Variants in DCUN1D4 observed in about 807,000 individuals in gnomAD.
The protein encoded by DCUN1D4 is DCN1-like protein 4.
DCUN1D4 carries 22 observed loss-of-function variants against 47.9 expected under a neutral mutation model. The ratio of observed to expected loss-of-function variants is 0.46; its 90% CI spans 0.33 to 0.66. The LOEUF is 0.66. Ranked by LOEUF, DCUN1D4 falls within the 30% of genes least tolerant of loss-of-function variation. The probability of loss-of-function intolerance (pLI) is 0.02; values close to 1 mark genes in which losing one functional copy is unlikely to be tolerated. For missense variants in DCUN1D4, 301 were observed against 340.8 expected (o/e 0.88, Z 0.92); for synonymous variants, 121 against 112.2 (o/e 1.08, Z -0.50).
At position 51,888,389 on chromosome 4, in the gene DCUN1D4, C is replaced by T. The variant is rs143272551; in HGVS notation, c.414+1751C>T. On this transcript the variant is annotated intron_variant, in intron 6 of 10. Transcript: ENST00000334635. ...TTCAAGTTTCCTCACCCCCAAATAC[C>T]AGTACTCAATAAAAGATAGTTATTG... Among the ~76,000 whole-genome samples, 5 of 152,242 alleles carry T rather than the reference C, an allele frequency of 3.3e-5. No homozygotes were observed. The East Asian group carries it at 9.7e-4, about 29-fold the overall frequency.
At chr4:51,870,599 G>T (rs1296789141) in intron 3 of DCUN1D4, among the ~76,000 whole-genome samples, 2 of 151,958 alleles carry the variant, frequency 1.3e-5, no homozygotes, top group Non-Finnish European at 2.9e-5. Flanking sequence ...CTCAGTAATG[G>T]ATGTATCTTA....
intron 5 of DCUN1D4, among the ~76,000 whole-genome samples, chr4:51,885,662 T>G (rs1242984705): frequency 6.6e-6 from 1 of 152,114 alleles, no homozygotes; most frequent in African/African-American, 2.4e-5. Context: ...CCCGAGACCT[T>G]GAGTATGGTT....
chr4:51,892,344 A>G (rs1730559106), intron 7 of DCUN1D4, among the ~76,000 whole-genome samples: 2 of 152,162 alleles, frequency 1.3e-5, no homozygotes, highest in South Asian at 4.1e-4. Context: ...TTTGTGATCC[A>G]TCTCCATTTG....
intron 1 of DCUN1D4, chr4:51,843,518 C>T (rs1344166956): frequency 3.9e-6 from 5 of 1,280,586 alleles, no homozygotes; most frequent in East Asian, 3.2e-5. Flanking sequence ...GACTGGCTCT[C>T]TTTCAGTGTT....
In DCUN1D4 at chr4:51,854,432, T is replaced by G. The variant is rs1723822919; in HGVS notation, c.26-9005T>G. ...GAGTGCATATTAGATCTTCACTGAC[T>G]TGTGATCTGACCTGCCTCTTCACAT... On this transcript the variant is annotated intron_variant, in intron 1 of 10. Coordinates refer to ENST00000334635, the MANE Select transcript of DCUN1D4 (RefSeq NM_001040402.3). Among the ~76,000 whole-genome samples, 3 of 152,216 alleles carry G rather than the reference T, an allele frequency of 2.0e-5. No individual in the cohort carries two copies. In the South Asian group the frequency reaches 6.2e-4, roughly 32 times the overall value.
In DCUN1D4 at chr4:51,863,770, A is replaced by G. The variant is rs1004776826; in HGVS notation, c.136+61A>G. ...AGCTTCTTAATATTAGGAAAGAGAA[A>G]TACTAGCTATGAATGCGCTATGTTG... On this transcript the variant is annotated intron_variant, in intron 3 of 10. Coordinates refer to ENST00000334635, the MANE Select transcript of DCUN1D4 (RefSeq NM_001040402.3). 6.0e-6 allele frequency: 9 copies of G among 1,502,998 alleles called. No individual in the cohort carries two copies. The East Asian group carries it at 1.4e-4, about 23-fold the overall frequency. 93.1% of individuals were successfully genotyped at this position (1,502,998 alleles called of 1,614,324 possible).
At chr4:51,896,229 G>GCATCTTTCAAACATAGGGA (rs1187463601) in intron 7 of DCUN1D4, among the ~76,000 whole-genome samples, 1 of 152,210 alleles carries the variant, frequency 6.6e-6, no homozygotes. Context: ...GGATCTCTGA[G>GCATCTTTCAAACATAGGGA]CATCTTTCAA....
At chr4:51,906,231 C>T (rs1217664563) in intron 8 of DCUN1D4, among the ~76,000 whole-genome samples, 1 of 152,100 alleles carries the variant, frequency 6.6e-6, no homozygotes, top group Admixed American at 6.5e-5. Flanking sequence ...CTGCTCTTCT[C>T]CAGTGTTTCT....
chr4:51,915,389 T>C lies in DCUN1D4; in HGVS notation c.*1805T>C, dbSNP rs1734233968. 6.6e-6 allele frequency: 1 copy of C among 152,582 alleles called. No individual in the cohort carries two copies. The highest frequency in any genetic ancestry group is 2.4e-5 in the African/African-American group (1 of 41,434). 9.5% of individuals were successfully genotyped at this position (152,582 alleles called of 1,614,324 possible). A position where few individuals can be genotyped will look rare whatever the true frequency, so the allele number is the denominator to read the frequency against. On this transcript the variant is annotated 3_prime_UTR_variant, in exon 11 of 11. Coordinates refer to ENST00000334635, the MANE Select transcript of DCUN1D4 (RefSeq NM_001040402.3). ...TACTTAACCACTCCTTATTTGTAGATTCACTTTCAACCTTAAAAATTAATA... is the reference window on the plus strand; with the variant it reads ...TACTTAACCACTCCTTATTTGTAGACTCACTTTCAACCTTAAAAATTAATA...
At chr4:51,898,323 TAGTC>T (rs201746494) in intron 7 of DCUN1D4, among the ~76,000 whole-genome samples, 86 of 152,152 alleles carry the variant, frequency 5.7e-4, no homozygotes, top group Non-Finnish European at 1.2e-3. Context: ...CACTCAGTCA[TAGTC>T]AGGGGAGTGT....
At chr4:51,837,471 C>T in the DCUN1D4 span, among the ~76,000 whole-genome samples, 7 of 151,710 alleles carry the variant, frequency 4.6e-5, no homozygotes, top group East Asian at 1.2e-3. Flanking sequence ...ATCGAGACCA[C>T]GGTGAAACCC....
intron 8 of DCUN1D4, among the ~76,000 whole-genome samples, chr4:51,903,615 A>G (rs1268878240): frequency 2.0e-5 from 3 of 152,122 alleles, no homozygotes; most frequent in Non-Finnish European, 2.9e-5. Context: ...CTGCGACTAC[A>G]GTTACAACTA....
chr4:51,869,246 G>A lies in DCUN1D4; in HGVS notation c.137-5025G>A, dbSNP rs188259659. The stretch of plus-strand genomic sequence containing the variant: ...TTTAGAGAGAGGAAAAAATTCTTTT[G>A]TCCTTAGCAGTTCAATGATCTGTTC... On this transcript the variant is annotated intron_variant, in intron 3 of 10. Coordinates refer to ENST00000334635, the MANE Select transcript of DCUN1D4 (RefSeq NM_001040402.3). Among the ~76,000 whole-genome samples the A allele has an allele frequency of 3.0e-3, 445 of 150,676 alleles. 14 individuals carry two copies. The highest frequency in any genetic ancestry group is 0.027 in the Admixed American group (402 of 15,146).
intron 5 of DCUN1D4, among the ~76,000 whole-genome samples, chr4:51,879,948 A>T (rs1728315283): frequency 1.3e-5 from 2 of 152,180 alleles, no homozygotes; most frequent in African/African-American, 4.8e-5. Context: ...GGACATAAAG[A>T]TTAAGCTACA....
At chr4:51,901,593 C>G (rs1006775035) in intron 8 of DCUN1D4, among the ~76,000 whole-genome samples, 114 of 152,224 alleles carry the variant, frequency 7.5e-4, no homozygotes, top group Non-Finnish European at 1.8e-4. Flanking sequence ...GGCCCTGGGT[C>G]TGAGCCATGT....
intron 8 of DCUN1D4, among the ~76,000 whole-genome samples, chr4:51,908,386 C>A (rs141726701): frequency 1.3e-5 from 2 of 152,168 alleles, no homozygotes; most frequent in African/African-American, 4.8e-5. Context: ...CCTTGATGGG[C>A]CTTCTGGGGA....
chr4:51,849,923 C>T (rs1371643530), intron 1 of DCUN1D4, among the ~76,000 whole-genome samples: 2 of 151,862 alleles, frequency 1.3e-5, no homozygotes, highest in African/African-American at 4.8e-5. Flanking sequence ...GTACCAAATA[C>T]CTTTTTAGTC....
intron 1 of DCUN1D4, among the ~76,000 whole-genome samples, chr4:51,844,211 G>A (rs1722111766): frequency 6.6e-6 from 1 of 151,098 alleles, no homozygotes; most frequent in Admixed American, 6.6e-5. Context: ...TCCGGAGCCG[G>A]GCTAAGGGGG....
rs149633677 is a variant in DCUN1D4 at position 51,898,097 on chromosome 4, A to G, written c.507-1173A>G. ...TGTGAGGTCTTTAGAGATCATTCCA[A>G]CCTGGCCACAGAACTTCTACTGGGA... On this transcript the variant is annotated intron_variant, in intron 7 of 10. Coordinates refer to ENST00000334635, the MANE Select transcript of DCUN1D4 (RefSeq NM_001040402.3). Among the ~76,000 whole-genome samples the G allele has an allele frequency of 2.8e-3, 424 of 152,302 alleles. 2 individuals carry two copies. Among genetic ancestry groups the G allele is most frequent in the African/African-American group, 9.9e-3 (412 of 41,564 alleles).
Sources: allele counts gnomAD v4.1 joint callset (sites outside exome capture counted in the v4.1 genomes callset), GRCh38; gene constraint gnomAD v4.1.1; transcripts MANE v1.5; gene names NCBI Gene and HGNC (gene_info 2026-07-23, HGNC 2026-07-21).